EPB41L3: variants seen among roughly 807,000 people sequenced by gnomAD.
The protein encoded by EPB41L3 is erythrocyte membrane protein band 4.1 like 3.
EPB41L3 carries 57 observed loss-of-function variants against 127.1 expected under a neutral mutation model. The observed-to-expected ratio is 0.45, with a 90% confidence interval of 0.36 to 0.56. The LOEUF is 0.56. EPB41L3 is among the 20% of genes least tolerant of loss of function. The pLI is 0.00. For synonymous variants in EPB41L3, 572 were observed against 549.5 expected, an observed-to-expected ratio of 1.04 and a Z score of -0.57; for missense variants, 1,273 against 1,372.2, an observed-to-expected ratio of 0.93 and a Z score of 1.14.
chr18:5,574,590 C>T (rs1264283200), intron 3 of EPB41L3, among the ~76,000 whole-genome samples: 11 of 152,032 alleles, frequency 7.2e-5, no homozygotes, highest in Non-Finnish European at 8.8e-5. Context: ...GTTGATGCTG[C>T]ACACTCCTGC....
At chr18:5,443,731 G>C in intron 5 of EPB41L3, 107 bp downstream of exon 5, 1 of 808,604 alleles carries the variant, frequency 1.2e-6, no homozygotes, top group African/African-American at 1.7e-5. Flanking sequence ...TTTGAGATAA[G>C]AAAAGCTTGT....
chr18:5,628,545 C>T (rs1037472225), intron 1 of EPB41L3, among the ~76,000 whole-genome samples: 1 of 152,348 alleles, frequency 6.6e-6, no homozygotes, highest in East Asian at 1.9e-4. Flanking sequence ...CGCCAGAGCC[C>T]GGCGTCTTCC....
intron 1 of EPB41L3, among the ~76,000 whole-genome samples, chr18:5,625,295 C>T (rs1470055447): frequency 6.6e-6 from 1 of 151,748 alleles, no homozygotes; most frequent in Non-Finnish European, 1.5e-5. Flanking sequence ...CAGGAGGTAG[C>T]AAGAGCCAGA....
chr18:5,563,033 C>T (rs1175670691), intron 3 of EPB41L3, among the ~76,000 whole-genome samples: 7 of 152,208 alleles, frequency 4.6e-5, no homozygotes, highest in Non-Finnish European at 8.8e-5. Context: ...TGGAAATAAG[C>T]TCAGGTAGTA....
At chr18:5,607,893 T>C (rs1017125342) in intron 3 of EPB41L3, among the ~76,000 whole-genome samples, 20 of 143,042 alleles carry the variant, frequency 1.4e-4, no homozygotes, top group African/African-American at 5.4e-4. Context: ...AAATTCTACC[T>C]TTGAAGGGCC....
chr18:5,396,490 T>TCAAA (rs57191955), intron 18 of EPB41L3, among the ~76,000 whole-genome samples, 158 bp from the exon 19 acceptor site: 7,678 of 152,202 alleles, frequency 0.05, 336 homozygotes, highest in African/African-American at 0.12. Context: ...CATGCACATG[T>TCAAA]CAGTCTCCTG....
intron 1 of EPB41L3, among the ~76,000 whole-genome samples, chr18:5,491,619 A>G (rs1431117824): frequency 6.6e-6 from 1 of 152,334 alleles, no homozygotes. Flanking sequence ...TACCTGTTGT[A>G]TATCACACAA....
chr18:5,480,343 A>G (rs937981386), intron 2 of EPB41L3, among the ~76,000 whole-genome samples: 1 of 152,244 alleles, frequency 6.6e-6, no homozygotes, highest in Non-Finnish European at 1.5e-5. Context: ...AATCATAGTC[A>G]TATGATGCGT....
intron 3 of EPB41L3, among the ~76,000 whole-genome samples, chr18:5,599,687 G>C (rs1035675008): frequency 2.6e-5 from 4 of 152,096 alleles, no homozygotes; most frequent in Non-Finnish European, 4.4e-5. Context: ...ATATGACTGT[G>C]CCTGCTCCCG....
chr18:5,625,378 G>A (rs75082622), intron 1 of EPB41L3, among the ~76,000 whole-genome samples: 9,017 of 152,024 alleles, frequency 0.059, 335 homozygotes, highest in South Asian at 0.2. Flanking sequence ...GGACCCTGAC[G>A]TTTCCGTGGT....
intron 9 of EPB41L3, 101 bp downstream of exon 9, chr18:5,428,212 G>T: frequency 7.3e-7 from 1 of 1,378,606 alleles, no homozygotes; most frequent in Non-Finnish European, 1.0e-6. Context: ...GTCATTCACT[G>T]TGTCCCACAA....
intron 10 of EPB41L3, 60 bp from the exon 11 acceptor site, chr18:5,423,613 TTAA>T (rs1433813068): frequency 2.1e-6 from 3 of 1,462,542 alleles, no homozygotes; most frequent in Non-Finnish European, 2.8e-6. Context: ...AGAGTGCTTT[TTAA>T]ACTTTTTACT....
intron 3 of EPB41L3, among the ~76,000 whole-genome samples, chr18:5,450,959 A>G (rs551323871): frequency 2.9e-4 from 44 of 152,294 alleles, no homozygotes; most frequent in African/African-American, 1.0e-3. Context: ...ATGATACTTC[A>G]TTAGGAAGCA....
At chr18:5,448,976 T>A (rs182313688) in intron 3 of EPB41L3, among the ~76,000 whole-genome samples, 169 of 152,298 alleles carry the variant, frequency 1.1e-3, no homozygotes, top group African/African-American at 3.7e-3. Context: ...AATTAAAAAA[T>A]TTTCTAAATT....
intron 1 of EPB41L3, among the ~76,000 whole-genome samples, chr18:5,617,598 G>A (rs555123244): frequency 2.0e-5 from 3 of 152,280 alleles, no homozygotes; most frequent in South Asian, 2.1e-4. Context: ...GATTACAGGC[G>A]TGAGCCACCG....
chr18:5,489,089 GGCGCCCCCGCGC>G lies in EPB41L3; in HGVS notation c.83_94del (p.Arg28_Ala31del), dbSNP rs1568400113. 2 of 1,594,724 alleles carry G rather than the reference GGCGCCCCCGCGC, an allele frequency of 1.3e-6. No homozygotes were observed. The highest frequency in any genetic ancestry group is 2.2e-5 in the South Asian group (2 of 89,894). The stretch of plus-strand genomic sequence containing the variant: ...CTCCTCCTTGGGCGGCTCCGGCACG[GGCGCCCCCGCGC>G]GCCCCTGCGCCCCCGCCGCCTCCTG... On this transcript the variant is annotated inframe_deletion, in exon 2 of 23. Transcript: ENST00000341928.
intron 1 of EPB41L3, among the ~76,000 whole-genome samples, chr18:5,515,430 A>T (rs2092710111): frequency 6.6e-6 from 1 of 152,244 alleles, no homozygotes; most frequent in Non-Finnish European, 1.5e-5. Context: ...CATCAGTCAT[A>T]TGGGAAAGGA....
At chr18:5,606,761 A>AG in intron 3 of EPB41L3, among the ~76,000 whole-genome samples, 1 of 152,322 alleles carries the variant, frequency 6.6e-6, no homozygotes, top group East Asian at 1.9e-4. Context: ...ACTCACAAGT[A>AG]CTACAGAAGC....
intron 1 of EPB41L3, among the ~76,000 whole-genome samples, chr18:5,492,181 G>A (rs1159954980): frequency 2.6e-5 from 4 of 152,026 alleles, no homozygotes; most frequent in Admixed American, 2.0e-4. Flanking sequence ...TTAACCAGGC[G>A]TGGTGGTGCT....
Sources: gnomAD v4.1 joint callset for allele counts (sites outside exome capture counted in the v4.1 genomes callset) on GRCh38, gnomAD v4.1.1 for gene constraint, MANE v1.5 for transcripts, NCBI Gene and HGNC (gene_info 2026-07-23, HGNC 2026-07-21) for gene names.